SRSF11: variants seen among roughly 807,000 people sequenced by gnomAD.
The protein encoded by SRSF11 is serine and arginine rich splicing factor 11, also known as serine/arginine-rich splicing factor 11.
SRSF11 carries 9 observed loss-of-function variants against 56.0 expected under a neutral mutation model. That is an observed-to-expected ratio of 0.16 (90% CI 0.10 to 0.28). The LOEUF is 0.28. Among genes scored for constraint, SRSF11 ranks in the 10% least tolerant of loss-of-function variants. SRSF11 has a pLI of 1.00. For synonymous variants in SRSF11, 222 were observed against 215.3 expected, an observed-to-expected ratio of 1.03 and a Z score of -0.27; for missense variants, 421 against 600.7, an observed-to-expected ratio of 0.70 and a Z score of 3.13.
At chr1:70,239,831 T>G (rs1044056189) in intron 7 of SRSF11, among the ~76,000 whole-genome samples, 1 of 152,196 alleles carries the variant, frequency 6.6e-6, no homozygotes, top group Non-Finnish European at 1.5e-5. Context: ...ATTTGTTATC[T>G]AGTGTCAAAA....
At chr1:70,231,807 A>T in intron 2 of SRSF11, 1 of 1,377,760 alleles carries the variant, frequency 7.3e-7, no homozygotes, top group Non-Finnish European at 9.6e-7. Context: ...ATTAACCCCT[A>T]AATCAAACTT....
intron 1 of SRSF11, among the ~76,000 whole-genome samples, chr1:70,212,291 C>T (rs1275437069): frequency 1.3e-5 from 2 of 152,146 alleles, no homozygotes; most frequent in African/African-American, 4.8e-5. Flanking sequence ...CAGTCTCACT[C>T]TGTCGCCCAG....
intron 8 of SRSF11, 118 bp from the exon 9 acceptor site, chr1:70,246,700 A>G: frequency 1.9e-6 from 1 of 534,136 alleles, no homozygotes; most frequent in South Asian, 3.9e-5. Flanking sequence ...CTGTCAGAAC[A>G]ACATTTATGC....
chr1:70,206,656 C>T (rs1669055752), intron 1 of SRSF11, among the ~76,000 whole-genome samples: 1 of 151,980 alleles, frequency 6.6e-6, no homozygotes, highest in Non-Finnish European at 1.5e-5. Flanking sequence ...ATTCTAACCC[C>T]CATCAAGTCT....
intron 2 of SRSF11, chr1:70,230,650 A>G (rs1672674243): frequency 8.0e-7 from 1 of 1,254,880 alleles, no homozygotes; most frequent in Non-Finnish European, 1.0e-6. Context: ...TTTAAATTGT[A>G]GTTTTATTTT....
intron 1 of SRSF11, among the ~76,000 whole-genome samples, chr1:70,214,059 G>A (rs577767220): frequency 6.6e-6 from 1 of 151,988 alleles, no homozygotes; most frequent in Non-Finnish European, 1.5e-5. Flanking sequence ...ACTGCATGGG[G>A]GAAAAAAACA....
chr1:70,231,240 A>C, intron 2 of SRSF11: 1 of 1,213,892 alleles, frequency 8.2e-7, no homozygotes. Context: ...CTTAATATGT[A>C]TTACAGAAAT....
chr1:70,217,949 T>A (rs1177974768), upstream of SRSF11, among the ~76,000 whole-genome samples: 2 of 152,062 alleles, frequency 1.3e-5, no homozygotes, highest in African/African-American at 2.4e-5. Context: ...ACATGCTTGA[T>A]GACAGGGGTG....
intron 1 of SRSF11, among the ~76,000 whole-genome samples, chr1:70,214,326 T>G (rs1669816175): frequency 6.6e-6 from 1 of 151,768 alleles, no homozygotes; most frequent in South Asian, 2.1e-4. Flanking sequence ...ATGTTTCTTT[T>G]GAGCCGATTA....
intron 1 of SRSF11, among the ~76,000 whole-genome samples, chr1:70,212,360 G>A (rs566015762): frequency 2.0e-4 from 30 of 152,142 alleles, no homozygotes; most frequent in African/African-American, 6.5e-4. Flanking sequence ...GGGTTCAAGC[G>A]ATTCTCCTCC....
chr1:70,222,075 T>C (rs1670770525), intron 1 of SRSF11, among the ~76,000 whole-genome samples: 2 of 152,164 alleles, frequency 1.3e-5, no homozygotes, highest in African/African-American at 4.8e-5. Context: ...AAATTTTTTT[T>C]TTCCGCCTTA....
chr1:70,247,499 A>G (rs1201927323), intron 9 of SRSF11, among the ~76,000 whole-genome samples: 1 of 152,066 alleles, frequency 6.6e-6, no homozygotes, highest in Non-Finnish European at 1.5e-5. Context: ...TGCTTGTTTT[A>G]TTCATCAACA....
At chr1:70,228,955 G>A in intron 2 of SRSF11, 2 of 984,100 alleles carry the variant, frequency 2.0e-6, no homozygotes, top group Non-Finnish European at 2.4e-6. Flanking sequence ...TAAATGAGTA[G>A]GTTGATTTTA....
At position 70,221,533 on chromosome 1, in the gene SRSF11, G is replaced by C. The variant is rs1335664576; in HGVS notation, c.-104G>C. 6 of 1,430,194 alleles carry C rather than the reference G, an allele frequency of 4.2e-6. No homozygotes were observed. The African/African-American group carries it at 8.7e-5, about 21-fold the overall frequency. The allele number at this position is 1,430,194 out of a possible 1,614,324, so 88.6% of individuals were successfully genotyped here. A position where few individuals can be genotyped will look rare whatever the true frequency, so the allele number is the denominator to read the frequency against. ...CAGCAGTAGCAGAGGCTGTAGCATC[G>C]GACACCCTCCTCTCTCCCGCAATCC... On this transcript the variant is annotated 5_prime_UTR_variant, in exon 1 of 12. Coordinates refer to ENST00000370949, the MANE Select transcript of SRSF11 (RefSeq NM_001350605.2).
intron 3 of SRSF11, among the ~76,000 whole-genome samples, chr1:70,233,779 C>A (rs956733972): frequency 4.6e-5 from 7 of 152,150 alleles, no homozygotes; most frequent in African/African-American, 1.7e-4. Flanking sequence ...GCCTCACTTT[C>A]ATGGTTTGTG....
At chr1:70,230,202 T>A in intron 2 of SRSF11, 2 of 983,980 alleles carry the variant, frequency 2.0e-6, no homozygotes, top group Non-Finnish European at 2.4e-6. Context: ...TCTAGACCTA[T>A]TTTTGGAAGT....
chr1:70,229,446 A>C, intron 2 of SRSF11: 3 of 985,386 alleles, frequency 3.0e-6, no homozygotes, highest in Non-Finnish European at 3.6e-6. Context: ...TGTGACAAGA[A>C]ATTTTAATAC....
At chr1:70,225,485 C>T (rs1221054160) in intron 1 of SRSF11, among the ~76,000 whole-genome samples, 1 of 152,032 alleles carries the variant, frequency 6.6e-6, no homozygotes, top group Admixed American at 6.5e-5. Context: ...TTTATGAGCT[C>T]GAAATTCTCC....
At chr1:70,238,291 T>A (rs1037114983) in intron 6 of SRSF11, among the ~76,000 whole-genome samples, 1 of 152,206 alleles carries the variant, frequency 6.6e-6, no homozygotes, top group Non-Finnish European at 1.5e-5. Context: ...ATGTAAAGTT[T>A]ATGACACACC....
Sources: allele counts gnomAD v4.1 joint callset (sites outside exome capture counted in the v4.1 genomes callset), GRCh38; gene constraint gnomAD v4.1.1; transcripts MANE v1.5; gene names NCBI Gene and HGNC (gene_info 2026-07-23, HGNC 2026-07-21).